The following ENOX1 variants were observed in gnomAD, a reference collection of about 807,000 sequenced individuals.
ENOX1 encodes ecto-NOX disulfide-thiol exchanger 1, also known as candidate growth-related and time keeping constitutive hydroquinone (NADH) oxidase.
ENOX1 carries 42 observed loss-of-function variants against 82.5 expected under a neutral mutation model. The ratio of observed to expected loss-of-function variants is 0.51; its 90% CI spans 0.40 to 0.66. The LOEUF is 0.66. Ranked by LOEUF, ENOX1 falls within the 30% of genes least tolerant of loss-of-function variation. The pLI is 0.00. For missense variants in ENOX1, 608 were observed against 811.6 expected (o/e 0.75, Z 3.05); for synonymous variants, 271 against 282.2 (o/e 0.96, Z 0.40).
intron 1 of ENOX1, among the ~76,000 whole-genome samples, chr13:43,718,402 G>A (rs1440006996): frequency 2.6e-5 from 4 of 151,944 alleles, no homozygotes; most frequent in African/African-American, 9.7e-5. Context: ...AGGGAAGAGG[G>A]GATGGGTTGA....
intron 3 of ENOX1, among the ~76,000 whole-genome samples, chr13:43,462,488 A>G (rs2057531234): frequency 1.3e-5 from 2 of 152,232 alleles, no homozygotes; most frequent in African/African-American, 4.8e-5. Context: ...AAATAAGCTT[A>G]CAGCTGGCAA....
chr13:43,619,089 G>A (rs757378760), intron 2 of ENOX1, among the ~76,000 whole-genome samples: 2 of 147,878 alleles, frequency 1.4e-5, no homozygotes, highest in African/African-American at 5.0e-5. Context: ...TATTAATCTT[G>A]TATCTGGAAA....
chr13:43,475,766 C>T (rs2058250432), intron 3 of ENOX1, among the ~76,000 whole-genome samples: 1 of 77,002 alleles, frequency 1.3e-5, no homozygotes, highest in African/African-American at 5.4e-5. Context: ...TGGCCCAGGC[C>T]ACAATCATAT....
chr13:43,725,098 T>C (rs1348528423), intron 1 of ENOX1, among the ~76,000 whole-genome samples: 6 of 152,204 alleles, frequency 3.9e-5, no homozygotes, highest in African/African-American at 1.4e-4. Flanking sequence ...CATGGATATA[T>C]GTCTCACTTT....
intron 2 of ENOX1, among the ~76,000 whole-genome samples, chr13:43,629,403 T>C (rs1566668853): frequency 6.6e-6 from 1 of 152,202 alleles, no homozygotes; most frequent in African/African-American, 2.4e-5. Context: ...CTTGGATATG[T>C]AAGATAAGAA....
At chr13:43,456,877 C>T (rs1374413493) in intron 3 of ENOX1, among the ~76,000 whole-genome samples, 3 of 152,274 alleles carry the variant, frequency 2.0e-5, no homozygotes, top group East Asian at 1.9e-4. Flanking sequence ...CACAGCATCC[C>T]GTGCATGAAT....
chr13:43,600,379 A>G (rs1214786744), intron 2 of ENOX1, among the ~76,000 whole-genome samples: 1 of 152,194 alleles, frequency 6.6e-6, no homozygotes, highest in Non-Finnish European at 1.5e-5. Context: ...TGAAGGAACA[A>G]TGGTGGTAGC....
intron 3 of ENOX1, 87 bp downstream of exon 3, chr13:43,483,922 T>C (rs539708436): frequency 7.8e-6 from 6 of 770,098 alleles, no homozygotes; most frequent in South Asian, 5.9e-5. Context: ...AGAGTTCTAA[T>C]TGAAATAGAG....
intron 2 of ENOX1, among the ~76,000 whole-genome samples, chr13:43,541,972 G>A (rs902396410): frequency 1.3e-5 from 2 of 151,948 alleles, no homozygotes; most frequent in Non-Finnish European, 2.9e-5. Flanking sequence ...AAAAGAGAAC[G>A]GTTTCTGAAC....
At chr13:43,572,567 C>A (rs2080231457) in intron 2 of ENOX1, among the ~76,000 whole-genome samples, 1 of 152,188 alleles carries the variant, frequency 6.6e-6, no homozygotes, top group African/African-American at 2.4e-5. Context: ...TTTCTCAGAC[C>A]AAAGTGGAAA....
At chr13:43,628,179 G>T (rs1364743400) in intron 2 of ENOX1, among the ~76,000 whole-genome samples, 1 of 151,972 alleles carries the variant, frequency 6.6e-6, no homozygotes, top group Non-Finnish European at 1.5e-5. Flanking sequence ...ATATCTTCAG[G>T]TACTTTTCCA....
chr13:43,487,581 GT>G (rs2076473077), intron 2 of ENOX1, among the ~76,000 whole-genome samples: 1 of 152,148 alleles, frequency 6.6e-6, no homozygotes, highest in Non-Finnish European at 1.5e-5. Flanking sequence ...CTATTTAACT[GT>G]AATCCAAAAT....
intron 12 of ENOX1, 61 bp downstream of exon 12, chr13:43,298,285 T>G (rs1448452561): frequency 1.3e-6 from 2 of 1,497,848 alleles, no homozygotes; most frequent in Non-Finnish European, 1.8e-6. Flanking sequence ...TGCCTTTCCA[T>G]TTTCATTTAA....
intron 1 of ENOX1, among the ~76,000 whole-genome samples, chr13:43,720,011 G>A (rs1322439454): frequency 6.6e-6 from 1 of 152,072 alleles, no homozygotes; most frequent in Non-Finnish European, 1.5e-5. Context: ...AAAAATTCAA[G>A]ATGTATATCT....
chr13:43,740,416 A>C (rs538146973), intron 1 of ENOX1, among the ~76,000 whole-genome samples: 1 of 152,120 alleles, frequency 6.6e-6, no homozygotes, highest in African/African-American at 2.4e-5. Flanking sequence ...GTGCAGTTGA[A>C]GGAGTTTTAG....
At chr13:43,569,829 T>G (rs917745860) in intron 2 of ENOX1, among the ~76,000 whole-genome samples, 1 of 152,216 alleles carries the variant, frequency 6.6e-6, no homozygotes, top group Non-Finnish European at 1.5e-5. Flanking sequence ...TTTTGTCTGC[T>G]TGACAAACTC....
chr13:43,759,674 A>G (rs1446411335), intron 1 of ENOX1, among the ~76,000 whole-genome samples: 3 of 152,222 alleles, frequency 2.0e-5, no homozygotes, highest in Non-Finnish European at 4.4e-5. Context: ...TAAAAATAAG[A>G]GTTTAATGAT....
At chr13:43,460,866 G>T (rs1259571489) in intron 3 of ENOX1, among the ~76,000 whole-genome samples, 1 of 143,386 alleles carries the variant, frequency 7.0e-6, no homozygotes, top group Non-Finnish European at 1.5e-5. Context: ...GGAGTAGGTC[G>T]CCTTGGGTGT....
chr13:43,631,565 G>C (rs2083218360), intron 2 of ENOX1, among the ~76,000 whole-genome samples: 3 of 152,008 alleles, frequency 2.0e-5, no homozygotes, highest in South Asian at 4.2e-4. Context: ...TCAGTAGAAA[G>C]GTAAGAAATT....
Sources: allele counts gnomAD v4.1 joint callset (sites outside exome capture counted in the v4.1 genomes callset), GRCh38; gene constraint gnomAD v4.1.1; transcripts MANE v1.5; gene names NCBI Gene and HGNC (gene_info 2026-07-23, HGNC 2026-07-21).